HAPSTR1: variants seen among roughly 807,000 people sequenced by gnomAD.
HAPSTR1 encodes the protein HUWE1-associated protein modifying stress responses 1.
chr16:9,098,539 G>A, the HAPSTR1 span, among the ~76,000 whole-genome samples: 2 of 152,070 alleles, frequency 1.3e-5, no homozygotes, highest in African/African-American at 4.8e-5. Flanking sequence ...TTACTGGTTG[G>A]AGTGCCAGGG....
At chr16:9,117,053 A>C in the HAPSTR1 span, 1 of 1,226,720 alleles carries the variant, frequency 8.2e-7, no homozygotes, top group Non-Finnish European at 1.1e-6. Flanking sequence ...TTGCCATAAA[A>C]GGAAGTTCTA....
chr16:9,114,246 C>G, the HAPSTR1 span, among the ~76,000 whole-genome samples: 109 of 152,120 alleles, frequency 7.2e-4, no homozygotes, highest in Non-Finnish European at 1.4e-3. Flanking sequence ...GCTCATTAGT[C>G]TAGTTTTGGG....
chr16:9,092,552 G>C, the HAPSTR1 span, among the ~76,000 whole-genome samples: 1 of 152,154 alleles, frequency 6.6e-6, no homozygotes, highest in African/African-American at 2.4e-5. Flanking sequence ...TGTCCCCCTC[G>C]GCCCGGAGAC....
At chr16:9,118,814 C>T in the HAPSTR1 span, 1 of 152,648 alleles carries the variant, frequency 6.6e-6, no homozygotes, top group African/African-American at 2.4e-5. Context: ...ACTCCTATTC[C>T]TAAAAGGATT....
At chr16:9,098,518 G>A in the HAPSTR1 span, among the ~76,000 whole-genome samples, 2 of 152,088 alleles carry the variant, frequency 1.3e-5, no homozygotes, top group Non-Finnish European at 2.9e-5. Flanking sequence ...TAAAGAAACA[G>A]TACATTTTCT....
the HAPSTR1 span, chr16:9,091,849 C>A: frequency 7.4e-6 from 3 of 405,362 alleles, no homozygotes; most frequent in South Asian, 1.2e-4. Flanking sequence ...GGGCGGGGGT[C>A]GTCCCTGGTT....
chr16:9,095,327 A>C, the HAPSTR1 span, among the ~76,000 whole-genome samples: 1 of 152,184 alleles, frequency 6.6e-6, no homozygotes, highest in Non-Finnish European at 1.5e-5. Flanking sequence ...ATAATTGGTT[A>C]CCTTAAATAG....
At chr16:9,093,514 A>G in the HAPSTR1 span, among the ~76,000 whole-genome samples, 74 of 152,350 alleles carry the variant, frequency 4.9e-4, no homozygotes, top group Non-Finnish European at 9.3e-4. Context: ...AAAGCGTGGC[A>G]GTCTATATAG....
chr16:9,100,286 A>G, the HAPSTR1 span, among the ~76,000 whole-genome samples: 3 of 152,186 alleles, frequency 2.0e-5, no homozygotes, highest in Non-Finnish European at 4.4e-5. Context: ...AAGCCAGGCC[A>G]CTAGTGATTA....
the HAPSTR1 span, chr16:9,106,278 TG>T: frequency 6.6e-6 from 1 of 151,466 alleles, no homozygotes; most frequent in African/African-American, 2.4e-5. Flanking sequence ...TATCAATTTA[TG>T]GTTATCAAAT....
the HAPSTR1 span, chr16:9,109,139 A>T: frequency 6.6e-6 from 1 of 152,188 alleles, no homozygotes; most frequent in African/African-American, 2.4e-5. Flanking sequence ...ACTCTTGCTA[A>T]GATCTTGAGC....
the HAPSTR1 span, among the ~76,000 whole-genome samples, chr16:9,098,423 G>A: frequency 2.3e-3 from 343 of 152,308 alleles, 1 homozygote; most frequent in African/African-American, 7.6e-3. Context: ...TAGCTAGGAG[G>A]TGTGCTTATT....
the HAPSTR1 span, chr16:9,109,899 G>A: frequency 3.3e-5 from 5 of 152,092 alleles, no homozygotes; most frequent in Admixed American, 2.0e-4. Flanking sequence ...TGTGAATTTG[G>A]TGTTAGGAGT....
chr16:9,110,758 T>G, the HAPSTR1 span: 1 of 152,258 alleles, frequency 6.6e-6, no homozygotes, highest in Admixed American at 6.5e-5. Context: ...ATGGTATGGC[T>G]GGGGCAGCAT....
chr16:9,120,381 T>C, the HAPSTR1 span: 2 of 152,322 alleles, frequency 1.3e-5, no homozygotes, highest in African/African-American at 4.8e-5. Flanking sequence ...GGGGCAGCAT[T>C]TGAGAGACGA....
the HAPSTR1 span, among the ~76,000 whole-genome samples, chr16:9,093,401 C>T: frequency 6.6e-6 from 1 of 152,178 alleles, no homozygotes; most frequent in Non-Finnish European, 1.5e-5. Flanking sequence ...AGCCTTGCCT[C>T]CCTCTGGAAA....
chr16:9,099,585 A>C, the HAPSTR1 span, among the ~76,000 whole-genome samples: 76,718 of 152,106 alleles, frequency 0.5, 21,100 homozygotes, highest in African/African-American at 0.73. Flanking sequence ...CTAACCTTCA[A>C]GTATGTGGCT....
At chr16:9,116,098 C>T in the HAPSTR1 span, among the ~76,000 whole-genome samples, 2 of 152,148 alleles carry the variant, frequency 1.3e-5, no homozygotes, top group Non-Finnish European at 2.9e-5. Flanking sequence ...GACTTTGTAC[C>T]TCATGTCCCA....
At chr16:9,118,352 C>T in the HAPSTR1 span, 1 of 152,584 alleles carries the variant, frequency 6.6e-6, no homozygotes, top group Non-Finnish European at 1.5e-5. Context: ...TAATTACTCA[C>T]AGCACTTTGT....
Sources: allele counts gnomAD v4.1 joint callset (sites outside exome capture counted in the v4.1 genomes callset), GRCh38; gene constraint gnomAD v4.1.1; transcripts MANE v1.5; gene names NCBI Gene and HGNC (gene_info 2026-07-23, HGNC 2026-07-21).